The following TNR variants were observed in gnomAD, a reference collection of about 807,000 sequenced individuals.
The protein encoded by TNR is tenascin-R.
Under a neutral mutation model 150.4 loss-of-function variants are expected in TNR, and 45 were observed. That is an observed-to-expected ratio of 0.30 (90% confidence interval 0.24 to 0.38). The LOEUF (loss-of-function observed/expected upper bound fraction) is 0.38. Ranked by LOEUF, TNR falls within the 10% of genes least tolerant of loss-of-function variation. The probability of loss-of-function intolerance (pLI) is 1.00; values close to 1 mark genes in which losing one functional copy is unlikely to be tolerated. For missense variants in TNR, 1,544 were observed against 1,759.1 expected, an observed-to-expected ratio of 0.88 and a Z score of 2.19; for synonymous variants, 687 against 678.4, an observed-to-expected ratio of 1.01 and a Z score of -0.20.
chr1:175,459,618 G>C (rs780015021), intron 2 of TNR, among the ~76,000 whole-genome samples: 1 of 152,212 alleles, frequency 6.6e-6, no homozygotes, highest in Non-Finnish European at 1.5e-5. Context: ...CCTCAAGTGT[G>C]TCTGGCAATC....
intron 1 of TNR, among the ~76,000 whole-genome samples, chr1:175,540,305 A>T (rs1257187422): frequency 6.6e-6 from 1 of 152,016 alleles, no homozygotes; most frequent in Non-Finnish European, 1.5e-5. Context: ...CACTGATCAC[A>T]CTCCCAGAGA....
chr1:175,685,524 C>A (rs949814287), intron 1 of TNR, among the ~76,000 whole-genome samples: 1 of 152,136 alleles, frequency 6.6e-6, no homozygotes, highest in Non-Finnish European at 1.5e-5. Context: ...TTCATTCTGC[C>A]CATGACCATG....
intron 1 of TNR, among the ~76,000 whole-genome samples, chr1:175,720,691 G>A (rs1298404105): frequency 6.6e-6 from 1 of 152,218 alleles, no homozygotes; most frequent in Non-Finnish European, 1.5e-5. Context: ...GTGCAACAAG[G>A]CTTCCAGAGG....
chr1:175,380,109 C>G (rs1571361728), intron 8 of TNR, among the ~76,000 whole-genome samples: 1 of 152,192 alleles, frequency 6.6e-6, no homozygotes, highest in South Asian at 2.1e-4. Context: ...TGGAATAGAA[C>G]AATATCAAAT....
At chr1:175,675,812 T>G (rs1310312979) in intron 1 of TNR, among the ~76,000 whole-genome samples, 1 of 152,084 alleles carries the variant, frequency 6.6e-6, no homozygotes, top group East Asian at 1.9e-4. Context: ...TTCTGGCAGG[T>G]AGCTCCATGT....
intron 2 of TNR, among the ~76,000 whole-genome samples, chr1:175,454,248 A>G (rs1656458192): frequency 6.6e-6 from 1 of 152,166 alleles, no homozygotes. Flanking sequence ...AGAATCATTC[A>G]TCCAGATTAC....
At chr1:175,741,455 A>C (rs574796489) in intron 1 of TNR, among the ~76,000 whole-genome samples, 2 of 152,342 alleles carry the variant, frequency 1.3e-5, no homozygotes, top group Middle Eastern at 3.4e-3. Context: ...ATCCTCAGTG[A>C]TGTGTCATGC....
At chr1:175,580,672 AT>A (rs1344142652) in intron 1 of TNR, among the ~76,000 whole-genome samples, 1 of 151,856 alleles carries the variant, frequency 6.6e-6, no homozygotes, top group Admixed American at 6.6e-5. Context: ...CATTTAACTT[AT>A]TTTTTTTACT....
chr1:175,580,543 T>A (rs1662314716), intron 1 of TNR, among the ~76,000 whole-genome samples: 1 of 152,244 alleles, frequency 6.6e-6, no homozygotes, highest in Non-Finnish European at 1.5e-5. Flanking sequence ...AATAGCAGTC[T>A]TATTACATTA....
At chr1:175,402,081 G>A (rs1024721271) in intron 4 of TNR, among the ~76,000 whole-genome samples, 4 of 151,966 alleles carry the variant, frequency 2.6e-5, no homozygotes, top group African/African-American at 7.3e-5. Context: ...GCCGAGGCGG[G>A]CGGATCATGA....
intron 2 of TNR, among the ~76,000 whole-genome samples, chr1:175,428,866 C>T (rs1312962568): frequency 6.6e-6 from 1 of 152,198 alleles, no homozygotes; most frequent in Non-Finnish European, 1.5e-5. Flanking sequence ...CTTACTTAAA[C>T]AATTAACTGG....
intron 18 of TNR, among the ~76,000 whole-genome samples, chr1:175,349,073 A>G (rs1650933411): frequency 6.6e-6 from 1 of 152,214 alleles, no homozygotes; most frequent in African/African-American, 2.4e-5. Flanking sequence ...CAAAAATGAC[A>G]AAGCCAGGCC....
chr1:175,605,287 A>C (rs1424248887), intron 1 of TNR, among the ~76,000 whole-genome samples: 1 of 152,210 alleles, frequency 6.6e-6, no homozygotes. Flanking sequence ...CAATTTTCTT[A>C]TCTGCAAAAT....
Position 175,704,823 on chromosome 1 carries a change from G to A in TNR, c.-165+38403C>T, listed in dbSNP as rs890455513. Among the ~76,000 whole-genome samples, 3 of 152,198 alleles carry A rather than the reference G, an allele frequency of 2.0e-5. No homozygotes were observed. In the East Asian group the frequency reaches 5.8e-4, roughly 29 times the overall value. On this transcript the variant is annotated intron_variant, in intron 1 of 22. Coordinates refer to ENST00000367674, the MANE Select transcript of TNR (RefSeq NM_003285.3). ...GTTGCGGCTGTTTACATGCAAACCT[G>A]TCATTCAGATGATGTGTGCCTTCAC...
At chr1:175,647,183 G>C (rs550426811) in intron 1 of TNR, among the ~76,000 whole-genome samples, 1 of 152,072 alleles carries the variant, frequency 6.6e-6, no homozygotes, top group African/African-American at 2.4e-5. Flanking sequence ...AACTGATTTC[G>C]CCCTGGGTGA....
intron 1 of TNR, among the ~76,000 whole-genome samples, chr1:175,558,952 AATT>A (rs1661303948): frequency 6.6e-6 from 1 of 152,210 alleles, no homozygotes; most frequent in Admixed American, 6.5e-5. Context: ...TAGGTTCATC[AATT>A]ATAACATATG....
intron 1 of TNR, among the ~76,000 whole-genome samples, chr1:175,701,372 T>C (rs1257049647): frequency 6.6e-6 from 1 of 151,980 alleles, no homozygotes; most frequent in East Asian, 1.9e-4. Context: ...ACTCTCAAAA[T>C]AGTCTTCTCC....
chr1:175,688,736 C>T (rs1396020211), intron 1 of TNR, among the ~76,000 whole-genome samples: 1 of 152,106 alleles, frequency 6.6e-6, no homozygotes, highest in Non-Finnish European at 1.5e-5. Context: ...AGTCAGAGTG[C>T]AGTGAGGACT....
At chr1:175,480,239 C>G (rs1311426801) in intron 2 of TNR, among the ~76,000 whole-genome samples, 1 of 150,602 alleles carries the variant, frequency 6.6e-6, no homozygotes, top group Non-Finnish European at 1.5e-5. Context: ...GTTGAGAAGG[C>G]AGCACCAACA....
Sources: gnomAD v4.1 joint callset for allele counts (sites outside exome capture counted in the v4.1 genomes callset) on GRCh38, gnomAD v4.1.1 for gene constraint, MANE v1.5 for transcripts, NCBI Gene and HGNC (gene_info 2026-07-23, HGNC 2026-07-21) for gene names.